MEI1: variants seen among roughly 807,000 people sequenced by gnomAD.
MEI1 encodes the protein meiosis inhibitor protein 1.
In MEI1, 103 loss-of-function variants were observed where a neutral mutation model predicts 146.2. That is an observed-to-expected ratio of 0.70 (90% confidence interval 0.60 to 0.83). The LOEUF (loss-of-function observed/expected upper bound fraction) is 0.83, where lower values mean the gene tolerates loss of function less well. Ranked by LOEUF, MEI1 falls within the 40% of genes least tolerant of loss-of-function variation. MEI1 has a pLI of 0.00. For missense variants in MEI1, 1,529 were observed against 1,533.0 expected, an observed-to-expected ratio of 1.00 and a Z score of 0.04; for synonymous variants, 652 against 628.2, an observed-to-expected ratio of 1.04 and a Z score of -0.57.
At chr22:41,792,489 A>G (rs947648312) in intron 26 of MEI1, among the ~76,000 whole-genome samples, 47 of 152,300 alleles carry the variant, frequency 3.1e-4, no homozygotes, top group African/African-American at 1.1e-3. Context: ...CTATTCCCCC[A>G]GGAATGGAGC....
chr22:41,700,103 C>T (rs1252300049), intron 1 of MEI1, among the ~76,000 whole-genome samples: 3 of 152,116 alleles, frequency 2.0e-5, no homozygotes, highest in African/African-American at 7.2e-5. Context: ...AGCCTCCCGC[C>T]ATTTCAGCCT....
intron 3 of MEI1, among the ~76,000 whole-genome samples, chr22:41,713,800 G>A (rs1160075784): frequency 1.3e-5 from 2 of 152,068 alleles, no homozygotes; most frequent in African/African-American, 4.8e-5. Context: ...CGCCTGCCTC[G>A]GCCTCCCAAA....
At chr22:41,757,085 G>GT (rs1176091423) in intron 17 of MEI1, among the ~76,000 whole-genome samples, 3 of 151,838 alleles carry the variant, frequency 2.0e-5, no homozygotes, top group African/African-American at 7.3e-5. Context: ...ACCCTCCACA[G>GT]TTTGTTTCTT....
At chr22:41,723,154 A>G (rs1383165288) in intron 6 of MEI1, among the ~76,000 whole-genome samples, 2 of 151,790 alleles carry the variant, frequency 1.3e-5, no homozygotes, top group African/African-American at 4.8e-5. Context: ...ATACATTTTC[A>G]TGTATTTGGG....
chr22:41,706,655 A>G (rs1193883006), intron 3 of MEI1, among the ~76,000 whole-genome samples: 1 of 151,958 alleles, frequency 6.6e-6, no homozygotes, highest in Non-Finnish European at 1.5e-5. Flanking sequence ...TTGAGGTGAC[A>G]GTGAGCTATG....
At chr22:41,745,614 T>C (rs1156448819) in intron 13 of MEI1, among the ~76,000 whole-genome samples, 3 of 151,918 alleles carry the variant, frequency 2.0e-5, no homozygotes, top group Non-Finnish European at 4.4e-5. Context: ...GAATGGGAAA[T>C]AGCAAATAGC....
rs2076343344 is a variant in MEI1 at position 41,795,950 on chromosome 22, C to G, written c.3779+103C>G. 1.9e-6 allele frequency: 3 copies of G among 1,611,902 alleles called. No homozygotes were observed. Among genetic ancestry groups the G allele is most frequent in the Non-Finnish European group, 2.5e-6 (3 of 1,179,558 alleles). On this transcript the variant is annotated intron_variant, in intron 30 of 30. Transcript: ENST00000401548. This position sits in a 1 kb window ranked among gnomAD's most constrained non-coding sequence, Gnocchi z 4.2. ...TGCGGTACCGGAGTAGCAGTGTCCTCTCTCATGAAGAGGTGGGTGATGTTC... is the reference window on the plus strand; with the variant it reads ...TGCGGTACCGGAGTAGCAGTGTCCTGTCTCATGAAGAGGTGGGTGATGTTC...
chr22:41,714,697 C>A (rs1034131677), intron 4 of MEI1, among the ~76,000 whole-genome samples: 7 of 141,200 alleles, frequency 5.0e-5, no homozygotes, highest in Non-Finnish European at 9.1e-5. Context: ...ATGGTGAAAC[C>A]CCGTCTCTAC....
intron 11 of MEI1, 69 bp downstream of exon 11, chr22:41,732,672 G>A (rs888062691): frequency 1.5e-5 from 22 of 1,513,496 alleles, no homozygotes; most frequent in East Asian, 2.3e-5. Context: ...GGCCAGGGTA[G>A]CGGATATTTA....
chr22:41,716,184 A>G (rs1334796073), intron 5 of MEI1, 38 bp downstream of exon 5: 1 of 1,404,546 alleles, frequency 7.1e-7, no homozygotes, highest in Non-Finnish European at 9.9e-7. Context: ...CTACCCTTTT[A>G]CCTGCTTTTA....
intron 1 of MEI1, among the ~76,000 whole-genome samples, chr22:41,700,583 G>A (rs1284939485): frequency 7.7e-5 from 2 of 26,026 alleles, no homozygotes; most frequent in Non-Finnish European, 3.4e-4. Flanking sequence ...CACCCGCCTC[G>A]GCTTCCCATA....
chr22:41,747,162 CAG>C (rs988019460), intron 14 of MEI1: 1 of 151,596 alleles, frequency 6.6e-6, no homozygotes, highest in Non-Finnish European at 1.5e-5. Context: ...AACTGAGACT[CAG>C]GGAAGGGAGA....
At chr22:41,758,056 C>T (rs751349791) in intron 17 of MEI1, among the ~76,000 whole-genome samples, 29 of 152,044 alleles carry the variant, frequency 1.9e-4, no homozygotes, top group Non-Finnish European at 2.5e-4. Context: ...TGCAGTGAGC[C>T]GAGATCATGC....
At chr22:41,710,741 G>A (rs1222947302) in intron 3 of MEI1, among the ~76,000 whole-genome samples, 3 of 152,188 alleles carry the variant, frequency 2.0e-5, no homozygotes, top group South Asian at 2.1e-4. Flanking sequence ...CATTCTGTAA[G>A]CTTACAAATG....
intron 3 of MEI1, chr22:41,709,322 T>C (rs1437038476): frequency 1.0e-5 from 8 of 778,708 alleles, no homozygotes; most frequent in East Asian, 2.6e-5. Context: ...CACTTTTCCC[T>C]TTTTCCCTTT....
chr22:41,765,875 A>C (rs1160817049), intron 19 of MEI1, among the ~76,000 whole-genome samples: 1 of 150,132 alleles, frequency 6.7e-6, no homozygotes, highest in Non-Finnish European at 1.5e-5. Context: ...TCACTATACC[A>C]AAATGTTCTT....
At chr22:41,744,858 T>C (rs1487347614) in intron 12 of MEI1, 115 bp from the exon 13 acceptor site, 4 of 471,476 alleles carry the variant, frequency 8.5e-6, no homozygotes, top group Non-Finnish European at 1.5e-5. Flanking sequence ...GAAAGTTAGG[T>C]GTATGGGAAT....
At chr22:41,771,288 A>G (rs2075169546) in intron 20 of MEI1, among the ~76,000 whole-genome samples, 1 of 152,204 alleles carries the variant, frequency 6.6e-6, no homozygotes, top group Non-Finnish European at 1.5e-5. Context: ...GATTCTGCTG[A>G]CACAGGTTTA....
In MEI1 at chr22:41,784,418, C is replaced by T. The variant is rs745507394; in HGVS notation, c.3167C>T (p.Ser1056Leu). 5 of 1,613,864 alleles carry T rather than the reference C, an allele frequency of 3.1e-6. No individual in the cohort carries two copies. In the Admixed American group the frequency reaches 5.0e-5, roughly 16 times the overall value. Residue 1056 changes from serine (S) to leucine (L), a missense_variant and splice_region_variant, in exon 25 of 31, where the codon TCA (serine) becomes TTA (leucine). Physicochemically the swap from Ser to Leu is moderately radical, Grantham distance 145. Coordinates refer to ENST00000401548, the MANE Select transcript of MEI1 (RefSeq NM_152513.4). ...CCAAAGAAAAAGGCTGCACTACTCT[C>T]AGGTATGGGTCCACAAGTCTCCAGC... is the stretch of plus-strand genomic sequence containing the variant. Reference protein sequence around the residue: ...SFPKKKAALLSAAILCFLRTA... With the variant: ...SFPKKKAALLLAAILCFLRTA...
Sources: allele counts gnomAD v4.1 joint callset (sites outside exome capture counted in the v4.1 genomes callset), GRCh38; gene constraint gnomAD v4.1.1; non-coding constraint Gnocchi (gnomAD v3.1); transcripts MANE v1.5; gene names NCBI Gene and HGNC (gene_info 2026-07-23, HGNC 2026-07-21).